CDHR4: variants seen among roughly 807,000 people sequenced by gnomAD.
The protein encoded by CDHR4 is cadherin-related family member 4.
A neutral mutation model predicts 88.4 loss-of-function variants in CDHR4; 89 were observed. The ratio of observed to expected loss-of-function variants is 1.01; its 90% CI spans 0.85 to 1.20. The LOEUF (loss-of-function observed/expected upper bound fraction) is 1.20, where lower values mean the gene tolerates loss of function less well. Ranked by LOEUF, CDHR4 falls within the 50% of genes most tolerant of loss-of-function variation. CDHR4 has a pLI of 0.00. For missense variants in CDHR4, 914 were observed against 1,007.2 expected (o/e 0.91, Z 1.25); for synonymous variants, 368 against 399.2 (o/e 0.92, Z 0.93).
chr3:49,793,151 T>G lies in CDHR4; in HGVS notation c.1774+10A>C. 6.4e-7 allele frequency: 1 copy of G among 1,551,462 alleles called. No individual in the cohort carries two copies. The highest frequency in any genetic ancestry group is 8.7e-7 in the Non-Finnish European group (1 of 1,146,820). On this transcript the variant is annotated intron_variant, in intron 13 of 18. Coordinates refer to ENST00000412678, the MANE Select transcript of CDHR4 (RefSeq NM_001007540.4). ...CTCACTCACAACCTGGTGGTGCCCA[T>G]GTCCCCTACCTCCCACGATGCTATA...
chr3:49,792,801 C>T (rs2081200824), intron 14 of CDHR4, 53 bp downstream of exon 14: 1 of 1,483,150 alleles, frequency 6.7e-7, no homozygotes, highest in Non-Finnish European at 9.0e-7. Context: ...GGTCTCCTCA[C>T]TCTCCAAGGT....
At position 49,793,168 on chromosome 3, in the gene CDHR4, G is replaced by T; in HGVS notation, c.1767C>A (p.Ile589=). The T allele has an allele frequency of 1.3e-6, 2 of 1,551,548 alleles. No homozygotes were observed. The highest frequency in any genetic ancestry group is 1.7e-6 in the Non-Finnish European group (2 of 1,146,920). Residue 589 remains isoleucine, a synonymous_variant, in exon 13 of 19, where the codon ATC becomes ATA. Transcript: ENST00000412678. ...EPQRLIYSYS[I]VGGNSQNRFI... Reference sequence around the variant, plus strand: ...GGTGCCCATGTCCCCTACCTCCCACGATGCTATAGGAGTAGATCAGGCGCT... The same window carrying T: ...GGTGCCCATGTCCCCTACCTCCCACTATGCTATAGGAGTAGATCAGGCGCT...
chr3:49,801,920 A>C (rs1027101603), upstream of CDHR4, among the ~76,000 whole-genome samples: 3 of 152,168 alleles, frequency 2.0e-5, no homozygotes, highest in African/African-American at 7.2e-5. Flanking sequence ...ATTCCTGCTC[A>C]AAGGCCCCCA....
Position 49,795,008 on chromosome 3 carries a change from T to C in CDHR4, c.1124A>G (p.Lys375Arg). The change falls in exon 9 of 19, where the codon AAG becomes AGG. Residue 375 changes from lysine (K) to arginine (R), a missense_variant. Coordinates refer to ENST00000412678, the MANE Select transcript of CDHR4 (RefSeq NM_001007540.4). The surrounding 1 kb of genome is among the most constrained non-coding windows in gnomAD (Gnocchi z 5.4). ...PDSVGATLDY[K>R]LWFRSSSNPA... ...GTTGGAAGAGCTGCGGAACCACAGC[T>C]TGTAGTCCAGGGTGGCACCAACAGA... The C allele has an allele frequency of 4.5e-6, 7 of 1,551,652 alleles. No homozygotes were observed. The highest frequency in any genetic ancestry group is 6.1e-6 in the Non-Finnish European group (7 of 1,146,976).
chr3:49,791,881 GAAGTATGCA>G lies in CDHR4; in HGVS notation c.2195+13_2195+21del. ...TTTAAGAGATGGGATCCCAGGCATA[GAAGTATGCA>G]AAGGAGACTGACCTGTTTAGCAGCA... On this transcript the variant is annotated intron_variant, in intron 16 of 18. Transcript: ENST00000412678. 6.4e-7 allele frequency: 1 copy of G among 1,551,586 alleles called. No individual in the cohort carries two copies. Among genetic ancestry groups the G allele is most frequent in the Non-Finnish European group, 8.7e-7 (1 of 1,146,866 alleles).
At chr3:49,792,818 T>C in intron 14 of CDHR4, 36 bp downstream of exon 14, 3 of 1,504,042 alleles carry the variant, frequency 2.0e-6, no homozygotes, top group Non-Finnish European at 2.7e-6. Flanking sequence ...AGGTCCACCC[T>C]TCCCACCCTG....
intron 18 of CDHR4, 91 bp downstream of exon 18, chr3:49,791,350 A>C: frequency 5.1e-6 from 7 of 1,362,898 alleles, no homozygotes; most frequent in East Asian, 2.5e-5. Flanking sequence ...TGGGAGTAGG[A>C]GGAGATATTG....
chr3:49,794,747 A>C (rs1575346328), intron 9 of CDHR4, 46 bp from the exon 10 acceptor site: 1 of 1,500,762 alleles, frequency 6.7e-7, no homozygotes, highest in East Asian at 2.5e-5. Flanking sequence ...GGCCTGAGAG[A>C]GCCCTGAGCC....
rs1447638931 is a variant in CDHR4, at chr3:49,793,330, T to A, written c.1624-19A>T. On this transcript the variant is annotated intron_variant, in intron 12 of 18. Transcript: ENST00000412678. ...TCACATCCTGCAGAAAGGAACCAGG[T>A]TAGGAGTGGGTGGAACCCACCCCCT... 6.4e-7 allele frequency: 1 copy of A among 1,550,448 alleles called. No homozygotes were observed. Among genetic ancestry groups the A allele is most frequent in the African/African-American group, 1.4e-5 (1 of 73,102 alleles).
chr3:49,797,860 G>A (rs1402044860), intron 4 of CDHR4, among the ~76,000 whole-genome samples: 2 of 151,044 alleles, frequency 1.3e-5, no homozygotes, highest in African/African-American at 2.4e-5. Flanking sequence ...AGCCCTGGCC[G>A]CAGTCCTCAA....
At chr3:49,792,317 G>T in intron 15 of CDHR4, 151 bp downstream of exon 15, 1 of 982,492 alleles carries the variant, frequency 1.0e-6, no homozygotes, top group Non-Finnish European at 1.5e-6. Flanking sequence ...CTAATCTAAA[G>T]ACCTCTGGAG....
intron 10 of CDHR4, among the ~76,000 whole-genome samples, chr3:49,794,352 C>A (rs545808294): frequency 1.3e-5 from 2 of 151,396 alleles, no homozygotes; most frequent in Admixed American, 6.6e-5. Flanking sequence ...GAGCCAGGAT[C>A]GTGCCACTGC....
At chr3:49,793,515 A>C (rs1355321168) in intron 12 of CDHR4, 68 bp downstream of exon 12, 2 of 1,528,034 alleles carry the variant, frequency 1.3e-6, no homozygotes, top group Non-Finnish European at 1.8e-6. Context: ...GAAAAGCAGA[A>C]CACCACAGGG....
chr3:49,801,221 C>T (rs1354922551), upstream of CDHR4, among the ~76,000 whole-genome samples: 7 of 152,242 alleles, frequency 4.6e-5, no homozygotes, highest in Non-Finnish European at 8.8e-5. Flanking sequence ...TCTTCACCCT[C>T]ACTGCCTAGG....
In CDHR4 at chr3:49,799,855, T is replaced by C. The variant is rs369279932; in HGVS notation, c.-43A>G. On this transcript the variant is annotated 5_prime_UTR_variant, in exon 1 of 19. Coordinates refer to ENST00000412678, the MANE Select transcript of CDHR4 (RefSeq NM_001007540.4). ...GACAGCAGAGGAGGCTTCAGAAAGCTAGGCTGTTTGTCTGACTCACCCTGT... is the reference window on the plus strand; with the variant it reads ...GACAGCAGAGGAGGCTTCAGAAAGCCAGGCTGTTTGTCTGACTCACCCTGT... 3 of 1,611,028 alleles carry C rather than the reference T, an allele frequency of 1.9e-6. No homozygotes were observed. The African/African-American group carries it at 4.0e-5, about 22-fold the overall frequency.
At chr3:49,801,422 TC>T (rs982315030), upstream of CDHR4, among the ~76,000 whole-genome samples, 2 of 152,168 alleles carry the variant, frequency 1.3e-5, no homozygotes, top group African/African-American at 4.8e-5. Flanking sequence ...CCCCACCTTA[TC>T]CAGGCCTATG....
chr3:49,791,772 C>T lies in CDHR4; in HGVS notation c.2225G>A (p.Gly742Asp), dbSNP rs1418517960. 1 of 1,551,712 alleles carries T rather than the reference C, an allele frequency of 6.4e-7. No individual in the cohort carries two copies. The highest frequency in any genetic ancestry group is 2.0e-5 in the Admixed American group (1 of 50,990). ...SIQGTEGSIE[G>D]FLEAPKMEMS... is the part of the protein sequence containing the mutation. ...CTCCATCTTCGGTGCCTCCAGGAAA[C>T]CCTCGATGGATCCCTCAGTTCCCTG... is the stretch of plus-strand genomic sequence containing the variant. Residue 742 changes from glycine to aspartate, a missense_variant, in exon 17 of 19, where the codon GGT (glycine) becomes GAT (aspartate). Physicochemically the swap from Gly to Asp is moderately conservative, Grantham distance 94. Transcript: ENST00000412678.
intron 10 of CDHR4, among the ~76,000 whole-genome samples, chr3:49,794,355 G>A (rs1444948011): frequency 6.6e-6 from 1 of 151,622 alleles, no homozygotes; most frequent in African/African-American, 2.4e-5. Flanking sequence ...CCAGGATCGT[G>A]CCACTGCACT....
chr3:49,791,516 CAG>C (rs1252876636), intron 17 of CDHR4, 48 bp from the exon 18 acceptor site: 6 of 1,539,442 alleles, frequency 3.9e-6, no homozygotes, highest in South Asian at 2.4e-5. Flanking sequence ...ACCCTGCCCA[CAG>C]GGGAGCAGAT....
Sources: gnomAD v4.1 joint callset for allele counts (sites outside exome capture counted in the v4.1 genomes callset) on GRCh38, gnomAD v4.1.1 for gene constraint, Gnocchi (gnomAD v3.1) non-coding constraint, MANE v1.5 for transcripts, NCBI Gene and HGNC (gene_info 2026-07-23, HGNC 2026-07-21) for gene names.